PTPRD: variants seen among roughly 807,000 people sequenced by gnomAD.
PTPRD encodes the protein receptor-type tyrosine-protein phosphatase delta.
In PTPRD, 34 loss-of-function variants were observed where a neutral mutation model predicts 214.5. The observed-to-expected ratio is 0.16, with a 90% CI of 0.12 to 0.21. PTPRD has a LOEUF of 0.21. Ranked by LOEUF, PTPRD falls within the 10% of genes least tolerant of loss-of-function variation. The pLI is 1.00. For synonymous variants in PTPRD, 1,128 were observed against 845.7 expected, an observed-to-expected ratio of 1.33 and a Z score of -5.79; for missense variants, 2,545 against 2,398.7, an observed-to-expected ratio of 1.06 and a Z score of -1.27.
chr9:9,862,772 C>T lies in PTPRD; in HGVS notation c.-368+75735G>A, dbSNP rs377664276. 1.3e-4 allele frequency among the ~76,000 whole-genome samples: 20 copies of T among 152,106 alleles called. No individual in the cohort carries two copies. In the East Asian group the frequency reaches 3.9e-3, roughly 29 times the overall value. On this transcript the variant is annotated intron_variant, in intron 5 of 45. Coordinates refer to ENST00000381196, the MANE Select transcript of PTPRD (RefSeq NM_002839.4). ...CTCAAACACCAACCCTAACACTTAA[C>T]CAAAGTATGTATTGGATTTTTAAGA...
At chr9:10,396,359 G>A (rs770186528) in intron 2 of PTPRD, among the ~76,000 whole-genome samples, 41 of 151,960 alleles carry the variant, frequency 2.7e-4, no homozygotes, top group Non-Finnish European at 1.2e-4. Context: ...TGCGGGAGCT[G>A]GCTTGGCAAT....
intron 10 of PTPRD, among the ~76,000 whole-genome samples, chr9:9,097,109 A>C (rs912885274): frequency 6.6e-6 from 1 of 152,330 alleles, no homozygotes; most frequent in African/African-American, 2.4e-5. Context: ...GTTTGCATAC[A>C]AGCAGGGCAA....
rs578172634 is a variant in PTPRD, at chr9:10,408,560, T to C, written c.-599-67543A>G. On this transcript the variant is annotated intron_variant, in intron 2 of 45. Transcript: ENST00000381196. ...CTGATTTGTATTTTATCACCCCTGC[T>C]TAATCTAATGTGGACCTCTAGAATT... Among the ~76,000 whole-genome samples, 198 of 151,788 alleles carry C rather than the reference T, an allele frequency of 1.3e-3. 3 individuals are homozygous for C. Among genetic ancestry groups the C allele is most frequent in the Non-Finnish European group, 2.6e-3 (173 of 67,794 alleles).
At chr9:10,595,183 T>A (rs748873911) in intron 2 of PTPRD, among the ~76,000 whole-genome samples, 16 of 151,960 alleles carry the variant, frequency 1.1e-4, no homozygotes, top group Non-Finnish European at 1.6e-4. Context: ...CATATTATTG[T>A]GTCTACAGAA....
At chr9:9,333,657 T>C (rs956064447) in intron 9 of PTPRD, among the ~76,000 whole-genome samples, 6 of 151,462 alleles carry the variant, frequency 4.0e-5, no homozygotes, top group Non-Finnish European at 8.8e-5. Flanking sequence ...ATGACTAACA[T>C]ACCATGTAAT....
chr9:9,746,166 G>A (rs2098455992), intron 6 of PTPRD, among the ~76,000 whole-genome samples: 1 of 152,018 alleles, frequency 6.6e-6, no homozygotes, highest in South Asian at 2.1e-4. Context: ...TGATCTAGAA[G>A]AAGAAAAAGA....
At chr9:9,346,083 G>A (rs953521009) in intron 9 of PTPRD, among the ~76,000 whole-genome samples, 1 of 152,100 alleles carries the variant, frequency 6.6e-6, no homozygotes, top group Non-Finnish European at 1.5e-5. Context: ...ACGTAGTGCT[G>A]TGGAAGTCTC....
chr9:10,436,359 C>T (rs1588143281), intron 2 of PTPRD, among the ~76,000 whole-genome samples: 1 of 151,802 alleles, frequency 6.6e-6, no homozygotes, highest in Admixed American at 6.6e-5. Context: ...CTATTTGCTT[C>T]TCCCAACCCT....
chr9:10,121,956 C>A (rs2098779084), intron 3 of PTPRD, among the ~76,000 whole-genome samples: 1 of 152,188 alleles, frequency 6.6e-6, no homozygotes, highest in East Asian at 1.9e-4. Flanking sequence ...CAAGACAAAT[C>A]TCACACTCAG....
intron 8 of PTPRD, among the ~76,000 whole-genome samples, chr9:9,454,952 T>A (rs954665913): frequency 2.0e-5 from 3 of 151,566 alleles, no homozygotes; most frequent in Admixed American, 6.6e-5. Context: ...ATGGCCCAAG[T>A]GAGAAACTTG....
At chr9:8,566,989 A>T (rs1255032133) in intron 14 of PTPRD, among the ~76,000 whole-genome samples, 2 of 152,106 alleles carry the variant, frequency 1.3e-5, no homozygotes, top group Non-Finnish European at 2.9e-5. Flanking sequence ...TGTTTCTTAC[A>T]TCTCTCCTCA....
intron 3 of PTPRD, among the ~76,000 whole-genome samples, chr9:10,280,663 G>A (rs563540823): frequency 6.6e-6 from 1 of 152,006 alleles, no homozygotes; most frequent in Middle Eastern, 3.2e-3. Flanking sequence ...GAGTGCTGTG[G>A]CACAATCAGA....
intron 9 of PTPRD, among the ~76,000 whole-genome samples, chr9:9,361,325 T>C (rs1387076066): frequency 6.6e-6 from 1 of 151,206 alleles, no homozygotes; most frequent in Non-Finnish European, 1.5e-5. Context: ...CATGTCATAT[T>C]GCTGCTTATT....
In PTPRD at chr9:8,626,765, C is replaced by T. The variant is rs1595580955; in HGVS notation, c.352+6552G>A. On this transcript the variant is annotated intron_variant, in intron 14 of 45. Transcript: ENST00000381196. ...GACCCAATCTGAAACATCAGCTCTT[C>T]CTAGGTCTTCAGCTTGCCAGCCTGT... Among the ~76,000 whole-genome samples the T allele has an allele frequency of 2.6e-5, 4 of 151,776 alleles. No homozygotes were observed. In the South Asian group the frequency reaches 8.3e-4, roughly 32 times the overall value.
chr9:10,489,556 G>A (rs2099154275), intron 2 of PTPRD, among the ~76,000 whole-genome samples: 1 of 152,106 alleles, frequency 6.6e-6, no homozygotes, highest in African/African-American at 2.4e-5. Context: ...GGCCTAGACT[G>A]CCTTTCAAGT....
At chr9:10,471,905 A>G (rs1465427418) in intron 2 of PTPRD, among the ~76,000 whole-genome samples, 1 of 152,120 alleles carries the variant, frequency 6.6e-6, no homozygotes, top group Admixed American at 6.6e-5. Flanking sequence ...AAAACATCAT[A>G]AGATAATAAA....
chr9:9,412,137 TTTTTC>T (rs1247506376), intron 8 of PTPRD, among the ~76,000 whole-genome samples: 1 of 152,314 alleles, frequency 6.6e-6, no homozygotes, highest in Non-Finnish European at 1.5e-5. Context: ...TATAGCACTT[TTTTTC>T]TTTTCTTTTC....
At chr9:8,674,707 G>A (rs143921313) in intron 12 of PTPRD, among the ~76,000 whole-genome samples, 1 of 152,042 alleles carries the variant, frequency 6.6e-6, no homozygotes, top group Non-Finnish European at 1.5e-5. Flanking sequence ...CATATAAAAT[G>A]TTTGGCTCCC....
At chr9:10,298,940 G>T (rs1356442446) in intron 3 of PTPRD, among the ~76,000 whole-genome samples, 1 of 151,950 alleles carries the variant, frequency 6.6e-6, no homozygotes. Context: ...AAAGTACCTA[G>T]AAACTTTCTC....
Sources: gnomAD v4.1 joint callset for allele counts (sites outside exome capture counted in the v4.1 genomes callset) on GRCh38, gnomAD v4.1.1 for gene constraint, MANE v1.5 for transcripts, NCBI Gene and HGNC (gene_info 2026-07-23, HGNC 2026-07-21) for gene names.